Variants in ITPR2 observed in about 807,000 individuals in gnomAD.
ITPR2 encodes the protein inositol 1,4,5-trisphosphate receptor type 2, also known as inositol 1,4,5-trisphosphate-gated calcium channel ITPR2.
In ITPR2, 207 loss-of-function variants were observed where a neutral mutation model predicts 317.1. The ratio of observed to expected loss-of-function variants is 0.65; its 90% CI spans 0.58 to 0.73. The LOEUF is 0.73. Among genes scored for constraint, ITPR2 ranks in the 30% least tolerant of loss-of-function variants. The pLI, the probability that ITPR2 is intolerant of heterozygous loss-of-function variation, is 0.00. For synonymous variants in ITPR2, 1,156 were observed against 1,149.1 expected (o/e 1.01, Z -0.12); for missense variants, 2,613 against 3,284.0 (o/e 0.80, Z 4.99).
intron 1 of ITPR2, among the ~76,000 whole-genome samples, chr12:26,819,088 T>G (rs1323935070): frequency 6.6e-6 from 1 of 152,230 alleles, no homozygotes; most frequent in Non-Finnish European, 1.5e-5. Context: ...AAGAGCATTA[T>G]AGGATGTTAG....
chr12:26,413,457 C>A lies in ITPR2; in HGVS notation c.7306+1846G>T, dbSNP rs576630975. On this transcript the variant is annotated intron_variant, in intron 51 of 56. Coordinates refer to ENST00000381340, the MANE Select transcript of ITPR2 (RefSeq NM_002223.4). ...AATGTCACTCAATATACATAGTCAACTTTGCAAGTAAATAGTGTCCAATAC... is the reference window on the plus strand; with the variant it reads ...AATGTCACTCAATATACATAGTCAAATTTGCAAGTAAATAGTGTCCAATAC... Among the ~76,000 whole-genome samples, 8 of 152,330 alleles carry A rather than the reference C, an allele frequency of 5.3e-5. No individual in the cohort carries two copies. The South Asian group carries it at 1.7e-3, about 32-fold the overall frequency.
chr12:26,490,812 TC>T (rs1168505870), intron 39 of ITPR2, among the ~76,000 whole-genome samples: 3 of 152,164 alleles, frequency 2.0e-5, no homozygotes, highest in African/African-American at 7.2e-5. Context: ...AAACTCCATC[TC>T]AAGAACAAAC....
chr12:26,354,157 C>T (rs1229070970), intron 55 of ITPR2, among the ~76,000 whole-genome samples: 1 of 151,994 alleles, frequency 6.6e-6, no homozygotes, highest in African/African-American at 2.4e-5. Flanking sequence ...GTCTGTAATC[C>T]CAGCTACTCA....
intron 1 of ITPR2, among the ~76,000 whole-genome samples, chr12:26,795,007 C>T (rs968116172): frequency 6.6e-6 from 1 of 152,214 alleles, no homozygotes; most frequent in Non-Finnish European, 1.5e-5. Context: ...TGACTTTTGT[C>T]GATGTCTATT....
intron 37 of ITPR2, among the ~76,000 whole-genome samples, chr12:26,549,759 T>TATTATTAACTTGTGAATCTC (rs1944479818): frequency 6.6e-6 from 1 of 152,034 alleles, no homozygotes; most frequent in South Asian, 2.1e-4. Context: ...TTAATATAGT[T>TATTATTAACTTGTGAATCTC]AAGAATAGAA....
Position 26,520,116 on chromosome 12 carries a change from T to C in ITPR2, c.5074-24856A>G, listed in dbSNP as rs558795792. Among the ~76,000 whole-genome samples the C allele has an allele frequency of 3.3e-5, 5 of 152,352 alleles. 1 individual carries two copies. Among genetic ancestry groups the C allele is most frequent in the African/African-American group, 7.2e-5 (3 of 41,582 alleles). ...ATATTACCTATTCAAAAATTAAATG[T>C]AAAATAACTTTTAATTGAGATAGTT... On this transcript the variant is annotated intron_variant, in intron 37 of 56. Coordinates refer to ENST00000381340, the MANE Select transcript of ITPR2 (RefSeq NM_002223.4).
intron 45 of ITPR2, among the ~76,000 whole-genome samples, chr12:26,451,060 G>A (rs1941727916): frequency 6.6e-6 from 1 of 152,090 alleles, no homozygotes; most frequent in South Asian, 2.1e-4. Context: ...ATCTTGAGCA[G>A]ATTTTGGTAT....
chr12:26,776,944 C>T lies in ITPR2; in HGVS notation c.163+13213G>A, dbSNP rs555448700. Reference sequence around the variant, plus strand: ...GGTGCACTACACTAAAAAAGAATTGCTTGAGTTTTCTAATTTATATTAGCA... The same window carrying T: ...GGTGCACTACACTAAAAAAGAATTGTTTGAGTTTTCTAATTTATATTAGCA... On this transcript the variant is annotated intron_variant, in intron 2 of 56. Transcript: ENST00000381340. Among the ~76,000 whole-genome samples, 70 of 152,192 alleles carry T rather than the reference C, an allele frequency of 4.6e-4. 1 individual carries two copies. The highest frequency in any genetic ancestry group is 3.7e-3 in the East Asian group (19 of 5,166).
Position 26,439,268 on chromosome 12 carries a change from T to C in ITPR2, c.6502A>G (p.Ile2168Val), listed in dbSNP as rs768000864. 3 of 1,611,620 alleles carry C rather than the reference T, an allele frequency of 1.9e-6. No individual in the cohort carries two copies. The highest frequency in any genetic ancestry group is 2.5e-6 in the Non-Finnish European group (3 of 1,178,982). ...MEQIVFPVPN[I>V]CEYLTRESKC... ...GATTCTCGAGTGAGGTATTCACATATATTGGGGACAGGAAAAACTATTTGT... is the reference window on the plus strand; with the variant it reads ...GATTCTCGAGTGAGGTATTCACATACATTGGGGACAGGAAAAACTATTTGT... The change falls in exon 47 of 57, where the codon ATA becomes GTA. Residue 2168 changes from isoleucine (I) to valine (V), a missense_variant. Ile to Val is a conservative substitution (Grantham distance 29). This residue lies in a region of ITPR2 where 926 missense variants were observed against 1,072.8 expected (regional missense o/e 0.86). Transcript: ENST00000381340.
intron 55 of ITPR2, among the ~76,000 whole-genome samples, chr12:26,379,665 G>T (rs1939446919): frequency 1.3e-5 from 2 of 152,116 alleles, no homozygotes; most frequent in Non-Finnish European, 2.9e-5. Flanking sequence ...TCCTCTGCAT[G>T]ATCCAACAAC....
chr12:26,364,071 C>T (rs1938927105), intron 55 of ITPR2, among the ~76,000 whole-genome samples: 1 of 152,116 alleles, frequency 6.6e-6, no homozygotes, highest in South Asian at 2.1e-4. Context: ...TAGGCTCTGC[C>T]TGTTCCTCAG....
At chr12:26,452,119 C>A (rs1335693396) in intron 45 of ITPR2, among the ~76,000 whole-genome samples, 2 of 152,128 alleles carry the variant, frequency 1.3e-5, no homozygotes, top group Non-Finnish European at 2.9e-5. Context: ...CCCCCTGCAC[C>A]CCACCATCTG....
At chr12:26,436,729 G>T (rs1032491430) in intron 47 of ITPR2, among the ~76,000 whole-genome samples, 1 of 151,006 alleles carries the variant, frequency 6.6e-6, no homozygotes, top group African/African-American at 2.4e-5. Context: ...TGGTAATATT[G>T]ATAAATTGGT....
intron 13 of ITPR2, among the ~76,000 whole-genome samples, chr12:26,671,733 C>T (rs1252230111): frequency 1.3e-5 from 2 of 152,010 alleles, no homozygotes; most frequent in African/African-American, 4.8e-5. Flanking sequence ...CTAAATGCTC[C>T]AATTAAAAGA....
At chr12:26,599,834 G>GA (rs140295750) in intron 29 of ITPR2, among the ~76,000 whole-genome samples, 153 bp downstream of exon 29, 18,474 of 144,314 alleles carry the variant, frequency 0.13, 1,551 homozygotes, top group Admixed American at 0.19. Context: ...TTTCCTTAAT[G>GA]AAAAAAAAAA....
chr12:26,661,289 T>A (rs1016779256), intron 15 of ITPR2, among the ~76,000 whole-genome samples: 2 of 9,498 alleles, frequency 2.1e-4, no homozygotes, highest in African/African-American at 4.2e-4. Flanking sequence ...GGGGGGGGGG[T>A]GGGAGGGAAC....
chr12:26,662,832 C>T lies in ITPR2; in HGVS notation c.1713+853G>A, dbSNP rs188084640. Among the ~76,000 whole-genome samples the T allele has an allele frequency of 2.4e-4, 37 of 152,130 alleles. 1 individual carries two copies. Among genetic ancestry groups the T allele is most frequent in the African/African-American group, 8.0e-4 (33 of 41,484 alleles). ...GAACTACAGACACACACCACCACAC[C>T]CAGGTATTTTTCGTTTTTGTAGAGA... On this transcript the variant is annotated intron_variant, in intron 15 of 56. Coordinates refer to ENST00000381340, the MANE Select transcript of ITPR2 (RefSeq NM_002223.4).
At chr12:26,713,452 C>G (rs1948685079) in intron 8 of ITPR2, among the ~76,000 whole-genome samples, 1 of 152,080 alleles carries the variant, frequency 6.6e-6, no homozygotes, top group Non-Finnish European at 1.5e-5. Context: ...CATTTTACAT[C>G]AAGTTATATG....
At chr12:26,664,687 C>T (rs1947581561) in intron 14 of ITPR2, among the ~76,000 whole-genome samples, 1 of 150,324 alleles carries the variant, frequency 6.7e-6, no homozygotes, top group Non-Finnish European at 1.5e-5. Flanking sequence ...TTCACTAAGC[C>T]TTTAATTTTA....
Sources: gnomAD v4.1 joint callset for allele counts (sites outside exome capture counted in the v4.1 genomes callset) on GRCh38, gnomAD v4.1.1 for gene constraint, gnomAD v4.1.1 regional missense constraint, MANE v1.5 for transcripts, NCBI Gene and HGNC (gene_info 2026-07-23, HGNC 2026-07-21) for gene names.